Variants in DGKB observed in about 807,000 individuals in gnomAD.
The protein encoded by DGKB is 90 kDa diacylglycerol kinase.
In DGKB, 67 loss-of-function variants were observed where a neutral mutation model predicts 114.3. The ratio of observed to expected loss-of-function variants is 0.59; its 90% CI spans 0.48 to 0.72. The LOEUF is 0.72. Ranked by LOEUF, DGKB falls within the 30% of genes least tolerant of loss-of-function variation. The pLI, the probability that DGKB is intolerant of heterozygous loss-of-function variation, is 0.00. For synonymous variants in DGKB, 398 were observed against 323.1 expected (o/e 1.23, Z -2.49); for missense variants, 907 against 975.2 (o/e 0.93, Z 0.93).
intron 13 of DGKB, among the ~76,000 whole-genome samples, chr7:14,651,714 T>C (rs1260315218): frequency 1.3e-5 from 2 of 149,334 alleles, no homozygotes; most frequent in African/African-American, 4.9e-5. Context: ...AAATTGTCCC[T>C]GTTTGCAGAC....
intron 2 of DGKB, among the ~76,000 whole-genome samples, chr7:14,826,345 A>C (rs555197536): frequency 6.6e-6 from 1 of 152,154 alleles, no homozygotes; most frequent in East Asian, 1.9e-4. Flanking sequence ...CACTTTCAAA[A>C]TTATCCTTTC....
At chr7:14,522,100 T>G (rs995735096) in intron 20 of DGKB, among the ~76,000 whole-genome samples, 20 of 152,162 alleles carry the variant, frequency 1.3e-4, no homozygotes, top group African/African-American at 4.3e-4. Flanking sequence ...ACCCAAAGAT[T>G]GGTCAGAGTT....
chr7:14,820,437 ATGGTATTC>A (rs1844766700), intron 2 of DGKB, among the ~76,000 whole-genome samples: 1 of 152,168 alleles, frequency 6.6e-6, no homozygotes, highest in African/African-American at 2.4e-5. Context: ...ACCCCTGGCA[ATGGTATTC>A]TGCAGTGCCT....
intron 21 of DGKB, among the ~76,000 whole-genome samples, chr7:14,362,847 TC>T (rs1425331080): frequency 2.0e-4 from 31 of 152,234 alleles, no homozygotes; most frequent in African/African-American, 7.5e-4. Context: ...CCTGTAAGCT[TC>T]CTTCTATGCA....
intron 21 of DGKB, among the ~76,000 whole-genome samples, chr7:14,415,556 T>C (rs897175381): frequency 6.6e-6 from 1 of 151,958 alleles, no homozygotes; most frequent in Admixed American, 6.6e-5. Context: ...TTGCTGAGAA[T>C]GATGGTTTCC....
chr7:14,624,576 G>A (rs575147423), intron 14 of DGKB, among the ~76,000 whole-genome samples: 129 of 152,236 alleles, frequency 8.5e-4, no homozygotes, highest in African/African-American at 3.1e-3. Context: ...GGAAGTTCTT[G>A]TGTTCTAAGA....
chr7:14,319,544 C>A (rs1807329232), intron 23 of DGKB, among the ~76,000 whole-genome samples: 1 of 151,894 alleles, frequency 6.6e-6, no homozygotes, highest in South Asian at 2.1e-4. Context: ...AATAGATGTA[C>A]CTCACATAAG....
At chr7:14,696,997 A>T (rs1824052191) in intron 8 of DGKB, among the ~76,000 whole-genome samples, 1 of 152,176 alleles carries the variant, frequency 6.6e-6, no homozygotes, top group Non-Finnish European at 1.5e-5. Context: ...CATTTAAATA[A>T]AATTTATTTG....
chr7:14,560,872 T>C (rs1370156187), intron 20 of DGKB, among the ~76,000 whole-genome samples: 2 of 152,246 alleles, frequency 1.3e-5, no homozygotes, highest in East Asian at 3.8e-4. Context: ...CTGTTGTTTC[T>C]GACAATAGCC....
chr7:14,470,047 A>C (rs1781047992), intron 21 of DGKB, among the ~76,000 whole-genome samples: 1 of 151,874 alleles, frequency 6.6e-6, no homozygotes. Context: ...AATTTCAAAA[A>C]TTTCATTTAA....
Position 14,613,129 on chromosome 7 carries a change from C to G in DGKB, c.1358+211G>C, listed in dbSNP as rs774771707. Among the ~76,000 whole-genome samples the G allele has an allele frequency of 1.4e-4, 21 of 151,910 alleles. 1 individual carries two copies. The highest frequency in any genetic ancestry group is 1.2e-4 in the Non-Finnish European group (8 of 68,006). ...GGTAGAGAGAATTCAAACACCTGAG[C>G]TATAATAGTAAAAATAGTTACAAAA... On this transcript the variant is annotated intron_variant, in intron 16 of 25. Transcript: ENST00000402815.
intron 23 of DGKB, among the ~76,000 whole-genome samples, chr7:14,211,381 A>T (rs1345320611): frequency 4.2e-5 from 3 of 71,786 alleles, no homozygotes; most frequent in South Asian, 4.8e-4. Flanking sequence ...GTGTTTTGTG[A>T]TTTTACTCTC....
chr7:14,666,442 G>A (rs1323022653), intron 13 of DGKB, among the ~76,000 whole-genome samples: 2 of 151,944 alleles, frequency 1.3e-5, no homozygotes, highest in African/African-American at 4.8e-5. Flanking sequence ...TATTCCATAT[G>A]AGATTATTAA....
intron 21 of DGKB, among the ~76,000 whole-genome samples, chr7:14,466,776 C>T (rs555124932): frequency 2.7e-4 from 41 of 152,286 alleles, no homozygotes; most frequent in Non-Finnish European, 5.1e-4. Flanking sequence ...TGAGATCGCG[C>T]CACTGCACTG....
At chr7:14,731,823 G>T (rs1345022882) in intron 5 of DGKB, among the ~76,000 whole-genome samples, 6 of 152,166 alleles carry the variant, frequency 3.9e-5, no homozygotes, top group African/African-American at 1.4e-4. Flanking sequence ...AGAGACGAGA[G>T]ATTAGAGACC....
intron 23 of DGKB, among the ~76,000 whole-genome samples, chr7:14,286,202 A>C (rs1800842855): frequency 6.6e-6 from 1 of 152,170 alleles, no homozygotes; most frequent in African/African-American, 2.4e-5. Flanking sequence ...TATAGATTTC[A>C]CACAACACCT....
chr7:14,158,152 G>A (rs1056174125), intron 25 of DGKB, among the ~76,000 whole-genome samples: 1 of 152,098 alleles, frequency 6.6e-6, no homozygotes, highest in Admixed American at 6.6e-5. Context: ...ACCAAATAAG[G>A]CTATGCATGT....
chr7:14,311,543 C>A (rs1805394804), intron 23 of DGKB, among the ~76,000 whole-genome samples: 1 of 152,112 alleles, frequency 6.6e-6, no homozygotes, highest in Admixed American at 6.6e-5. Context: ...CCACCTCAGT[C>A]TCCTGAATAG....
chr7:14,812,012 T>C (rs1843508159), intron 2 of DGKB, among the ~76,000 whole-genome samples: 1 of 152,128 alleles, frequency 6.6e-6, no homozygotes, highest in African/African-American at 2.4e-5. Flanking sequence ...TTGACGACTC[T>C]AGGTATCTCG....
Sources: allele counts gnomAD v4.1 joint callset (sites outside exome capture counted in the v4.1 genomes callset), GRCh38; gene constraint gnomAD v4.1.1; transcripts MANE v1.5; gene names NCBI Gene and HGNC (gene_info 2026-07-23, HGNC 2026-07-21).